The following CARS2 variants were observed in gnomAD, a reference collection of about 807,000 sequenced individuals.
CARS2 encodes probable cysteine--tRNA ligase, mitochondrial.
In CARS2, 52 loss-of-function variants were observed where a neutral mutation model predicts 68.8. The ratio of observed to expected loss-of-function variants is 0.76; its 90% confidence interval spans 0.61 to 0.95. The LOEUF is 0.95. Among genes scored for constraint, CARS2 ranks in the 40% least tolerant of loss-of-function variants. CARS2 has a pLI of 0.00. For synonymous variants in CARS2, 314 were observed against 303.6 expected (o/e 1.03, Z -0.36); for missense variants, 780 against 754.2 (o/e 1.03, Z -0.40).
chr13:110,663,076 A>G (rs541917490), intron 9 of CARS2: 1 of 471,232 alleles, frequency 2.1e-6, no homozygotes, highest in African/African-American at 2.0e-5. Flanking sequence ...AGCAAAACCT[A>G]AACAAATCCC....
At chr13:110,641,762 CAGA>C (rs1390029478) in intron 14 of CARS2, among the ~76,000 whole-genome samples, 154 bp from the exon 15 acceptor site, 4 of 152,252 alleles carry the variant, frequency 2.6e-5, no homozygotes, top group Admixed American at 6.5e-5. Context: ...CTACCTCCAG[CAGA>C]AGGCCAGGAG....
chr13:110,657,447 C>A (rs143441673), intron 9 of CARS2, among the ~76,000 whole-genome samples: 3 of 152,130 alleles, frequency 2.0e-5, no homozygotes, highest in Non-Finnish European at 4.4e-5. Flanking sequence ...CAGGAGGGCA[C>A]AACAGAGGCC....
intron 9 of CARS2, among the ~76,000 whole-genome samples, chr13:110,655,326 T>A (rs1461308857): frequency 1.3e-5 from 2 of 152,208 alleles, no homozygotes; most frequent in African/African-American, 4.8e-5. Flanking sequence ...GACATGGCAA[T>A]GTCTGTGAAA....
At chr13:110,644,257 CAT>C (rs1887792042) in intron 13 of CARS2, 126 bp downstream of exon 13, 1 of 1,378,716 alleles carries the variant, frequency 7.3e-7, no homozygotes, top group African/African-American at 1.4e-5. Context: ...AGGAAAGTAA[CAT>C]GTTTTTAAAC....
intron 9 of CARS2, among the ~76,000 whole-genome samples, chr13:110,662,552 T>C (rs2062539798): frequency 6.6e-6 from 1 of 152,266 alleles, no homozygotes; most frequent in South Asian, 2.1e-4. Flanking sequence ...CAGAGTCTAA[T>C]TTACCAATTT....
chr13:110,649,931 C>CTGTTTTTTTTTTTTTTTTTTTTTTTTTT (rs1249270267), intron 10 of CARS2, among the ~76,000 whole-genome samples: 17 of 73,148 alleles, frequency 2.3e-4, no homozygotes, highest in East Asian at 1.8e-3. Flanking sequence ...TGGATAACGA[C>CTGTTTTTTTTTTTTTTTTTTTTTTTTTT]TTTTTTTTTT....
chr13:110,651,179 A>G (rs974346491), intron 9 of CARS2, 79 bp from the exon 10 acceptor site: 10 of 983,530 alleles, frequency 1.0e-5, no homozygotes, highest in Admixed American at 2.4e-5. Flanking sequence ...TACTTTCTAC[A>G]ATTACATAAG....
intron 1 of CARS2, chr13:110,712,792 G>C: frequency 1.4e-6 from 1 of 733,688 alleles, no homozygotes; most frequent in Non-Finnish European, 2.4e-6. Flanking sequence ...TAGGGAAGGC[G>C]CCCCTCGGGC....
chr13:110,642,346 C>A lies in CARS2; in HGVS notation c.1592G>T (p.Arg531Leu), dbSNP rs371876889. Residue 531 changes from arginine to leucine, a missense_variant, in exon 14 of 15, where the codon CGG becomes CTG. Transcript: ENST00000257347. ...GTTGATGCCGTGGGCAGTCAGGCCC[C>A]GGCGCAGGGTGTCGCATGCTTCCAG... ...PLLEACDTLRRGLTAHGINIK... is the reference protein window; with the variant it reads ...PLLEACDTLRLGLTAHGINIK... 6.4e-7 allele frequency: 1 copy of A among 1,551,498 alleles called. No homozygotes were observed.
At chr13:110,660,131 A>G (rs1006458971) in intron 9 of CARS2, among the ~76,000 whole-genome samples, 3 of 152,236 alleles carry the variant, frequency 2.0e-5, no homozygotes, top group Non-Finnish European at 2.9e-5. Context: ...TTGCTCATCC[A>G]TAAGAAGCAA....
chr13:110,648,027 T>G (rs1221864086), intron 10 of CARS2, among the ~76,000 whole-genome samples: 1 of 152,188 alleles, frequency 6.6e-6, no homozygotes. Context: ...TGGACACATA[T>G]GCTGAAAATT....
chr13:110,658,195 AG>A (rs2062417892), intron 9 of CARS2, among the ~76,000 whole-genome samples: 1 of 152,250 alleles, frequency 6.6e-6, no homozygotes, highest in African/African-American at 2.4e-5. Flanking sequence ...TTCAGCCTAA[AG>A]GAAGGAAATT....
upstream of CARS2, among the ~76,000 whole-genome samples, chr13:110,708,204 G>C (rs934021997): frequency 6.6e-6 from 1 of 152,128 alleles, no homozygotes; most frequent in Non-Finnish European, 1.5e-5. Context: ...AGAAATAAAA[G>C]GGCTTGTTGA....
At chr13:110,708,568 T>C (rs1340266905), upstream of CARS2, among the ~76,000 whole-genome samples, 3 of 149,550 alleles carry the variant, frequency 2.0e-5, no homozygotes, top group Non-Finnish European at 4.4e-5. Flanking sequence ...GATTCTATTA[T>C]GTTTTCTTTT....
In CARS2 at chr13:110,641,433, A is replaced by C; in HGVS notation, c.*104T>G. On this transcript the variant is annotated 3_prime_UTR_variant, in exon 15 of 15. Transcript: ENST00000257347. ...GGGACACTGTTGGTTGCCTTACTTT[A>C]ATGCTGACCTAGCAGCCCCGACAGG... The C allele has an allele frequency of 1.1e-6, 1 of 935,394 alleles. No homozygotes were observed. The highest frequency in any genetic ancestry group is 1.6e-5 in the African/African-American group (1 of 62,232). 57.9% of individuals were successfully genotyped at this position (935,394 alleles called of 1,614,324 possible).
rs772515282 is a variant in CARS2 at position 110,647,133 on chromosome 13, G to A, written c.1161C>T (p.Cys387=). ...ACAGCATCGCTTCCCTGACGGAGCC[G>A]CAGGCCAGCTGCCCCTTCATGTAGG... ...ARAYMKGQLA[C]GSVREAMLWE... The change falls in exon 11 of 15, where the codon TGC becomes TGT. Residue 387 remains cysteine (C), a synonymous_variant. Transcript: ENST00000257347. 3.4e-5 allele frequency: 55 copies of A among 1,604,798 alleles called. No individual in the cohort carries two copies. The highest frequency in any genetic ancestry group is 1.7e-4 in the South Asian group (15 of 89,848).
chr13:110,690,579 C>T (rs1250002180), intron 3 of CARS2, among the ~76,000 whole-genome samples: 2 of 152,212 alleles, frequency 1.3e-5, no homozygotes, highest in Admixed American at 6.5e-5. Context: ...CCAGATGTGT[C>T]GCTACGTGCT....
intron 9 of CARS2, among the ~76,000 whole-genome samples, chr13:110,655,234 C>T (rs2062335017): frequency 6.6e-6 from 1 of 152,102 alleles, no homozygotes; most frequent in South Asian, 2.1e-4. Flanking sequence ...GTACAGGTCT[C>T]ACAAACAAGC....
At chr13:110,666,603 A>G (rs1016108954) in intron 8 of CARS2, 1 of 985,206 alleles carries the variant, frequency 1.0e-6, no homozygotes, top group Admixed American at 6.2e-5. Flanking sequence ...GGACCAGAAA[A>G]CCAGAGCACT....
Sources: gnomAD v4.1 joint callset for allele counts (sites outside exome capture counted in the v4.1 genomes callset) on GRCh38, gnomAD v4.1.1 for gene constraint, MANE v1.5 for transcripts, NCBI Gene and HGNC (gene_info 2026-07-23, HGNC 2026-07-21) for gene names.